The following SORCS3 variants were observed in gnomAD, a reference collection of about 807,000 sequenced individuals.
SORCS3 encodes the protein sortilin related VPS10 domain containing receptor 3.
In SORCS3, 57 loss-of-function variants were observed where a neutral mutation model predicts 146.3. The observed-to-expected ratio is 0.39, with a 90% CI of 0.31 to 0.49. The LOEUF (loss-of-function observed/expected upper bound fraction) is 0.49. Among genes scored for constraint, SORCS3 ranks in the 20% least tolerant of loss-of-function variants. The probability of loss-of-function intolerance (pLI) is 0.92; values close to 1 mark genes in which losing one functional copy is unlikely to be tolerated. For missense variants in SORCS3, 1,341 were observed against 1,575.5 expected (o/e 0.85, Z 2.52); for synonymous variants, 653 against 618.5 (o/e 1.06, Z -0.83).
In SORCS3 at chr10:105,135,984, T is replaced by C. The variant is rs529690448; in HGVS notation, c.1213-3413T>C. ...CCAGAATTGCCCTTAATGCGCTGTTTAATGCAATATAGGGTTTTTTTTCTA... is the reference window on the plus strand; with the variant it reads ...CCAGAATTGCCCTTAATGCGCTGTTCAATGCAATATAGGGTTTTTTTTCTA... On this transcript the variant is annotated intron_variant, in intron 7 of 26. Transcript: ENST00000369701. Among the ~76,000 whole-genome samples the C allele has an allele frequency of 2.9e-4, 44 of 152,334 alleles. 2 individuals are homozygous for C. The South Asian group carries it at 8.7e-3, about 30-fold the overall frequency.
chr10:105,061,632 G>C (rs1442949715), intron 5 of SORCS3, among the ~76,000 whole-genome samples: 1 of 136,806 alleles, frequency 7.3e-6, no homozygotes, highest in East Asian at 2.2e-4. Flanking sequence ...GAGAGTGGGT[G>C]ACAGAGCGAG....
At chr10:105,157,548 G>A (rs1034372161) in intron 10 of SORCS3, among the ~76,000 whole-genome samples, 1 of 152,144 alleles carries the variant, frequency 6.6e-6, no homozygotes, top group Admixed American at 6.5e-5. Flanking sequence ...AAGAGAAGGA[G>A]CCTGTACTCA....
Position 104,641,992 on chromosome 10 carries a change from G to A in SORCS3, c.627+38G>A. The A allele has an allele frequency of 2.3e-6, 1 of 430,890 alleles. No individual in the cohort carries two copies. The highest frequency in any genetic ancestry group is 4.0e-6 in the Non-Finnish European group (1 of 248,922). 26.7% of individuals were successfully genotyped at this position (430,890 alleles called of 1,614,324 possible). ...CCGGCGGCGGGTCCGCCTGTTTCCT[G>A]ACACCGAAGGGGAATGGGGGGGTGG... On this transcript the variant is annotated intron_variant, in intron 1 of 26. Transcript: ENST00000369701. This position sits in a 1 kb window ranked among gnomAD's most constrained non-coding sequence, Gnocchi z 6.4.
At chr10:105,178,021 G>A in intron 13 of SORCS3, 45 bp from the exon 14 acceptor site, 1 of 1,431,640 alleles carries the variant, frequency 7.0e-7, no homozygotes, top group Non-Finnish European at 9.8e-7. Context: ...GAAGAGTGTG[G>A]CTTTATTTTC....
At chr10:104,665,420 T>C (rs887741057) in intron 1 of SORCS3, 1 of 152,216 alleles carries the variant, frequency 6.6e-6, no homozygotes. Context: ...AGACCTTTTA[T>C]GGAACAGGGT....
chr10:104,821,911 GGTACATA>G (rs2017876956), intron 1 of SORCS3, among the ~76,000 whole-genome samples: 1 of 152,254 alleles, frequency 6.6e-6, no homozygotes, highest in South Asian at 2.1e-4. Context: ...AGCAGAGCCA[GGTACATA>G]GTAGGTGCTG....
intron 17 of SORCS3, among the ~76,000 whole-genome samples, chr10:105,213,372 C>T (rs2056645757): frequency 6.6e-6 from 1 of 152,090 alleles, no homozygotes; most frequent in Non-Finnish European, 1.5e-5. Context: ...TTTGAAACCA[C>T]CATAGGAAGG....
At chr10:104,904,448 AAAT>A (rs1239847955) in intron 2 of SORCS3, among the ~76,000 whole-genome samples, 21 of 152,168 alleles carry the variant, frequency 1.4e-4, no homozygotes, top group African/African-American at 4.8e-4. Flanking sequence ...CTAGGGAAAC[AAAT>A]AATGATACAT....
intron 4 of SORCS3, among the ~76,000 whole-genome samples, chr10:105,000,762 C>A (rs1156382622): frequency 6.6e-6 from 1 of 152,130 alleles, no homozygotes; most frequent in Non-Finnish European, 1.5e-5. Context: ...TGGAGGGCAC[C>A]ATATCATGTA....
chr10:105,244,072 C>T (rs2056852108), intron 20 of SORCS3, among the ~76,000 whole-genome samples: 1 of 152,124 alleles, frequency 6.6e-6, no homozygotes, highest in South Asian at 2.1e-4. Flanking sequence ...GTCTGCTCAT[C>T]TGCCCCTGTG....
intron 5 of SORCS3, among the ~76,000 whole-genome samples, chr10:105,085,923 G>C (rs192489946): frequency 6.6e-6 from 1 of 152,108 alleles, no homozygotes; most frequent in African/African-American, 2.4e-5. Context: ...GTGTGTTTCT[G>C]TTTCTCTCTG....
chr10:104,698,916 A>G (rs1354096484), intron 1 of SORCS3, among the ~76,000 whole-genome samples: 2 of 152,162 alleles, frequency 1.3e-5, no homozygotes, highest in African/African-American at 4.8e-5. Flanking sequence ...TTCTCGTAAC[A>G]AAGGATCTTA....
chr10:104,693,848 C>A (rs1280685554), intron 1 of SORCS3, among the ~76,000 whole-genome samples: 7 of 152,060 alleles, frequency 4.6e-5, no homozygotes, highest in Admixed American at 4.6e-4. Context: ...CCCCCATGTG[C>A]CAAAATGTGC....
At chr10:105,084,733 CT>C (rs35594157) in intron 5 of SORCS3, among the ~76,000 whole-genome samples, 45,875 of 142,808 alleles carry the variant, frequency 0.32, 7,128 homozygotes, top group Admixed American at 0.38. Context: ...GCTGCTTCTT[CT>C]TTTTTTTTTT....
At chr10:104,852,785 A>T (rs1322133377) in intron 2 of SORCS3, among the ~76,000 whole-genome samples, 1 of 152,186 alleles carries the variant, frequency 6.6e-6, no homozygotes, top group Non-Finnish European at 1.5e-5. Context: ...TGACGACCAT[A>T]AAGGTTAATA....
At chr10:104,983,668 C>T (rs1429916305) in intron 4 of SORCS3, among the ~76,000 whole-genome samples, 1 of 152,024 alleles carries the variant, frequency 6.6e-6, no homozygotes, top group Non-Finnish European at 1.5e-5. Context: ...CTGTTAATAA[C>T]ACTGCCCTAG....
chr10:105,203,723 A>G (rs933977454), intron 16 of SORCS3, among the ~76,000 whole-genome samples: 1 of 152,228 alleles, frequency 6.6e-6, no homozygotes, highest in Non-Finnish European at 1.5e-5. Flanking sequence ...ATAAAAATAC[A>G]TGACATCTAC....
intron 20 of SORCS3, among the ~76,000 whole-genome samples, chr10:105,239,821 T>C (rs888764461): frequency 2.0e-4 from 31 of 152,356 alleles, no homozygotes; most frequent in African/African-American, 6.3e-4. Context: ...TAATTTAGCA[T>C]TGGGCACCAG....
chr10:105,142,490 A>G (rs1240006910), intron 8 of SORCS3, among the ~76,000 whole-genome samples: 2 of 152,174 alleles, frequency 1.3e-5, no homozygotes, highest in Non-Finnish European at 2.9e-5. Context: ...GACTTGCTCA[A>G]ACTTAAAACC....
Sources: allele counts gnomAD v4.1 joint callset (sites outside exome capture counted in the v4.1 genomes callset), GRCh38; gene constraint gnomAD v4.1.1; non-coding constraint Gnocchi (gnomAD v3.1); transcripts MANE v1.5; gene names NCBI Gene and HGNC (gene_info 2026-07-23, HGNC 2026-07-21).